Variants in IGSF5 observed in about 807,000 individuals in gnomAD.
IGSF5 encodes immunoglobulin superfamily member 5, also known as immunoglobulin superfamily 5 like.
In IGSF5, 41 loss-of-function variants were observed where a neutral mutation model predicts 39.4. The observed-to-expected ratio is 1.04, with a 90% confidence interval of 0.81 to 1.35. The LOEUF (loss-of-function observed/expected upper bound fraction) is 1.35. Among genes scored for constraint, IGSF5 ranks in the 40% most tolerant of loss-of-function variants. The probability of loss-of-function intolerance (pLI) is 0.00; values close to 1 mark genes in which losing one functional copy is unlikely to be tolerated. For missense variants in IGSF5, 487 were observed against 494.6 expected (o/e 0.98, Z 0.15); for synonymous variants, 183 against 175.3 (o/e 1.04, Z -0.34).
At position 39,758,115 on chromosome 21, in the gene IGSF5, C is replaced by T. The variant is rs376960540; in HGVS notation, c.101-7420C>T. 1.7e-4 allele frequency among the ~76,000 whole-genome samples: 26 copies of T among 152,214 alleles called. No individual in the cohort carries two copies. The East Asian group carries it at 4.2e-3, about 25-fold the overall frequency. On this transcript the variant is annotated intron_variant, in intron 2 of 8. Coordinates refer to ENST00000380588, the MANE Select transcript of IGSF5 (RefSeq NM_001080444.2). ...GGAAAGCTGTCCTGACTGTGCTGGT[C>T]GTCCTGGCACGTAGGGATCGCCTGA... is the stretch of plus-strand genomic sequence containing the variant.
chr21:39,776,271 T>C (rs566057639), intron 4 of IGSF5, among the ~76,000 whole-genome samples: 152 of 152,126 alleles, frequency 1.0e-3, no homozygotes, highest in African/African-American at 3.4e-3. Context: ...AGGTCTATCT[T>C]TGTAGCCCCA....
At chr21:39,761,136 A>G (rs7280039) in intron 2 of IGSF5, among the ~76,000 whole-genome samples, 6,633 of 152,308 alleles carry the variant, frequency 0.044, 471 homozygotes, top group African/African-American at 0.15. Context: ...GACAAAATCA[A>G]CAAAAGTAAA....
chr21:39,724,056 A>C, the IGSF5 span, among the ~76,000 whole-genome samples: 2 of 150,130 alleles, frequency 1.3e-5, no homozygotes, highest in Non-Finnish European at 2.9e-5. Flanking sequence ...ACAGAGTAAG[A>C]CCCTGTCTCA....
At chr21:39,779,749 A>G (rs546391000) in intron 5 of IGSF5, among the ~76,000 whole-genome samples, 1 of 152,214 alleles carries the variant, frequency 6.6e-6, no homozygotes, top group Non-Finnish European at 1.5e-5. Flanking sequence ...GTCCTTTGCT[A>G]CACCCTGGAG....
In IGSF5 at chr21:39,792,062, A is replaced by G. The variant is rs777544957; in HGVS notation, c.1011A>G (p.Glu337=). The G allele has an allele frequency of 1.9e-6, 3 of 1,611,514 alleles. No homozygotes were observed. The highest frequency in any genetic ancestry group is 8.5e-7 in the Non-Finnish European group (1 of 1,178,750). ...NKETETESGN[E]NSGYNSDEQK... Reference sequence around the variant, plus strand: ...AAACTGAGACAGAAAGTGGAAATGAAAACTCCGGCTACAATTCAGATGAAC... The same window carrying G: ...AAACTGAGACAGAAAGTGGAAATGAGAACTCCGGCTACAATTCAGATGAAC... The change falls in exon 7 of 9, where the codon GAA becomes GAG. Residue 337 remains glutamate, a synonymous_variant. Transcript: ENST00000380588.
At chr21:39,729,616 A>C in the IGSF5 span, 1 of 152,290 alleles carries the variant, frequency 6.6e-6, no homozygotes, top group East Asian at 1.9e-4. Context: ...ATTGGACTAC[A>C]GAATGGCGAG....
upstream of IGSF5, among the ~76,000 whole-genome samples, chr21:39,742,222 G>T (rs1337391473): frequency 5.3e-5 from 8 of 151,916 alleles, no homozygotes; most frequent in African/African-American, 1.9e-4. Flanking sequence ...GCTTTTACTA[G>T]AATCTCTCTC....
chr21:39,740,417 CT>C (rs2079943518), upstream of IGSF5, among the ~76,000 whole-genome samples: 1 of 152,202 alleles, frequency 6.6e-6, no homozygotes, highest in Admixed American at 6.5e-5. Context: ...TAGGAATTCC[CT>C]TTCTCTCCAT....
In IGSF5 at chr21:39,788,181, T is replaced by C. The variant is rs765489479; in HGVS notation, c.949T>C (p.Phe317Leu). 5 of 1,591,522 alleles carry C rather than the reference T, an allele frequency of 3.1e-6. No individual in the cohort carries two copies. In the Admixed American group the frequency reaches 8.5e-5, roughly 27 times the overall value. The change falls in exon 6 of 9, where the codon TTT becomes CTT. Residue 317 changes from phenylalanine to leucine, a missense_variant. Transcript: ENST00000380588. ...CTTTTTTGCAGGATTTCGTATTCAA[T>C]TTCAAAAGTAAGTTTGAAACCACAT... ...CRRKRGFRIQ[F>L]QKKSEKEKTN... is the part of the protein sequence containing the mutation.
At chr21:39,715,364 C>T in the IGSF5 span, among the ~76,000 whole-genome samples, 5 of 152,188 alleles carry the variant, frequency 3.3e-5, no homozygotes, top group African/African-American at 1.2e-4. Flanking sequence ...AGTAATCCTC[C>T]TGCCTCAAGC....
chr21:39,721,626 T>C, the IGSF5 span, among the ~76,000 whole-genome samples: 6 of 152,154 alleles, frequency 3.9e-5, no homozygotes, highest in African/African-American at 7.2e-5. Context: ...GATTGAATAA[T>C]TGGGGACTAG....
chr21:39,767,275 C>T (rs902381689), intron 3 of IGSF5, among the ~76,000 whole-genome samples: 4 of 152,142 alleles, frequency 2.6e-5, no homozygotes, highest in Admixed American at 6.6e-5. Flanking sequence ...TGAATCTTCC[C>T]GGCCCACCTC....
intron 8 of IGSF5, among the ~76,000 whole-genome samples, chr21:39,796,077 A>C (rs2086994683): frequency 6.6e-6 from 1 of 152,190 alleles, no homozygotes; most frequent in Admixed American, 6.5e-5. Context: ...GCCTGGATGC[A>C]GGATGTACCA....
chr21:39,730,998 C>T, the IGSF5 span, among the ~76,000 whole-genome samples: 1 of 152,226 alleles, frequency 6.6e-6, no homozygotes, highest in Non-Finnish European at 1.5e-5. Flanking sequence ...ACCACTGTTT[C>T]TCCATGGACA....
At chr21:39,778,036 C>T (rs76206246) in intron 4 of IGSF5, among the ~76,000 whole-genome samples, 5,999 of 152,162 alleles carry the variant, frequency 0.039, 405 homozygotes, top group African/African-American at 0.13. Flanking sequence ...CACCCAAGCA[C>T]GCAGGGTTGA....
the IGSF5 span, among the ~76,000 whole-genome samples, chr21:39,717,408 AT>A: frequency 1.3e-5 from 2 of 152,074 alleles, no homozygotes; most frequent in African/African-American, 4.8e-5. Context: ...TTGTCATGAA[AT>A]CTGCCTGTTC....
intron 2 of IGSF5, among the ~76,000 whole-genome samples, chr21:39,746,519 C>A (rs572336312): frequency 7.9e-5 from 12 of 152,138 alleles, no homozygotes; most frequent in Non-Finnish European, 1.8e-4. Context: ...GGTGGCATAT[C>A]CTAATCCCTT....
At chr21:39,725,037 C>T in the IGSF5 span, among the ~76,000 whole-genome samples, 1 of 152,254 alleles carries the variant, frequency 6.6e-6, no homozygotes, top group African/African-American at 2.4e-5. Flanking sequence ...ATCGTGCTGG[C>T]AAATGACACA....
At chr21:39,787,413 G>C (rs1480878966) in intron 5 of IGSF5, among the ~76,000 whole-genome samples, 2 of 152,136 alleles carry the variant, frequency 1.3e-5, no homozygotes, top group African/African-American at 4.8e-5. Context: ...GTAAAGCTCG[G>C]TTGTAAAGAT....
Sources: gnomAD v4.1 joint callset for allele counts (sites outside exome capture counted in the v4.1 genomes callset) on GRCh38, gnomAD v4.1.1 for gene constraint, MANE v1.5 for transcripts, NCBI Gene and HGNC (gene_info 2026-07-23, HGNC 2026-07-21) for gene names.